CFAP221: variants seen among roughly 807,000 people sequenced by gnomAD.
CFAP221 encodes the protein cilia and flagella associated protein 221.
In CFAP221, 97 loss-of-function variants were observed where a neutral mutation model predicts 113.1. The ratio of observed to expected loss-of-function variants is 0.86; its 90% CI spans 0.73 to 1.02. CFAP221 has a LOEUF of 1.02. CFAP221 is among the 50% of genes least tolerant of loss of function. The pLI is 0.00. For missense variants in CFAP221, 1,025 were observed against 1,013.4 expected (o/e 1.01, Z -0.16); for synonymous variants, 331 against 354.4 (o/e 0.93, Z 0.74).
At chr2:119,615,846 A>C in intron 14 of CFAP221, 137 bp downstream of exon 14, 2 of 606,006 alleles carry the variant, frequency 3.3e-6, no homozygotes, top group Non-Finnish European at 5.6e-6. Flanking sequence ...AATGTACATC[A>C]GTCATTTTTA....
chr2:119,584,939 T>G (rs2104610009), intron 6 of CFAP221, among the ~76,000 whole-genome samples: 1 of 152,294 alleles, frequency 6.6e-6, no homozygotes, highest in African/African-American at 2.4e-5. Context: ...CCATTTGGGG[T>G]TATTCCTAAA....
chr2:119,595,793 T>C (rs1683924217), intron 7 of CFAP221, among the ~76,000 whole-genome samples: 1 of 152,062 alleles, frequency 6.6e-6, no homozygotes, highest in African/African-American at 2.4e-5. Context: ...GTGACTGCTC[T>C]CAACTTGGTG....
chr2:119,618,937 G>A (rs1371503541), intron 14 of CFAP221, among the ~76,000 whole-genome samples: 2 of 152,124 alleles, frequency 1.3e-5, no homozygotes, highest in East Asian at 1.9e-4. Context: ...TTGAGTAGGC[G>A]ATTTTCCCCT....
intron 6 of CFAP221, among the ~76,000 whole-genome samples, chr2:119,566,458 C>T (rs552613226): frequency 2.0e-5 from 3 of 152,306 alleles, no homozygotes; most frequent in South Asian, 2.1e-4. Context: ...CATTTTTGTT[C>T]GTGTCACAGC....
chr2:119,612,071 A>T (rs1169392677), intron 13 of CFAP221, among the ~76,000 whole-genome samples: 1 of 152,084 alleles, frequency 6.6e-6, no homozygotes, highest in East Asian at 1.9e-4. Flanking sequence ...GCCTCTATTC[A>T]TTATCCTCCT....
chr2:119,575,565 A>C (rs1488666071), intron 6 of CFAP221, among the ~76,000 whole-genome samples: 1 of 152,160 alleles, frequency 6.6e-6, no homozygotes, highest in Non-Finnish European at 1.5e-5. Context: ...ACAAAATAAA[A>C]TGGTGGTTGC....
chr2:119,642,434 G>A (rs941523116), intron 21 of CFAP221, among the ~76,000 whole-genome samples: 2 of 151,354 alleles, frequency 1.3e-5, no homozygotes, highest in Non-Finnish European at 2.9e-5. Flanking sequence ...CAAGGTGCCA[G>A]TAGACTTGGT....
intron 6 of CFAP221, among the ~76,000 whole-genome samples, chr2:119,566,968 A>T (rs934058365): frequency 2.0e-5 from 3 of 152,186 alleles, no homozygotes; most frequent in Admixed American, 2.0e-4. Context: ...AGATTTTTGA[A>T]GACTTTATAT....
At chr2:119,564,599 T>C (rs1681492558) in intron 6 of CFAP221, among the ~76,000 whole-genome samples, 1 of 152,100 alleles carries the variant, frequency 6.6e-6, no homozygotes, top group Non-Finnish European at 1.5e-5. Flanking sequence ...GCTTTGCCAG[T>C]TTTTGATCTT....
intron 12 of CFAP221, among the ~76,000 whole-genome samples, chr2:119,610,034 C>G (rs543509652): frequency 2.6e-5 from 4 of 152,118 alleles, no homozygotes; most frequent in Non-Finnish European, 5.9e-5. Flanking sequence ...TGCATGCTTT[C>G]TTAAAAACAA....
chr2:119,608,183 C>T (rs570050989), intron 11 of CFAP221, among the ~76,000 whole-genome samples: 2 of 152,206 alleles, frequency 1.3e-5, no homozygotes, highest in Admixed American at 6.5e-5. Flanking sequence ...CCATTATTAT[C>T]ATCATCATCA....
At chr2:119,562,253 CAAA>C (rs10628972) in intron 6 of CFAP221, 139 bp downstream of exon 6, 135 of 274,276 alleles carry the variant, frequency 4.9e-4, no homozygotes, top group South Asian at 1.0e-3. Flanking sequence ...TTGTAAAAGG[CAAA>C]AAAAAAAAAA....
intron 6 of CFAP221, among the ~76,000 whole-genome samples, chr2:119,564,949 T>G (rs1681516748): frequency 6.6e-6 from 1 of 152,206 alleles, no homozygotes; most frequent in Admixed American, 6.5e-5. Flanking sequence ...TGGGTTACTA[T>G]GTAATGGCTG....
intron 7 of CFAP221, among the ~76,000 whole-genome samples, chr2:119,597,733 T>TG (rs1365248058): frequency 2.6e-5 from 4 of 152,200 alleles, no homozygotes; most frequent in Non-Finnish European, 5.9e-5. Context: ...TAGAATTTTC[T>TG]GGGGTTTAAA....
At position 119,641,184 on chromosome 2, in the gene CFAP221, G is replaced by A. The variant is rs1045549561; in HGVS notation, c.2225+1312G>A. Among the ~76,000 whole-genome samples the A allele has an allele frequency of 7.2e-5, 11 of 152,116 alleles. No homozygotes were observed. In the East Asian group the frequency reaches 9.6e-4, roughly 13 times the overall value. On this transcript the variant is annotated intron_variant, in intron 21 of 23. Coordinates refer to ENST00000413369, the MANE Select transcript of CFAP221 (RefSeq NM_001271049.2). ...CCAAATGCAGCTGTACGTCATCTACGTCAAGGCTTTCCCATGTGCCGTCCC... is the reference window on the plus strand; with the variant it reads ...CCAAATGCAGCTGTACGTCATCTACATCAAGGCTTTCCCATGTGCCGTCCC...
chr2:119,620,155 G>T lies in CFAP221; in HGVS notation c.1410+4446G>T, dbSNP rs544926411. ...GTGATGGGGAGAATGGAACCAAGTT[G>T]GAAAACACTCTTCAGGATATTATCC... is the stretch of plus-strand genomic sequence containing the variant. On this transcript the variant is annotated intron_variant, in intron 14 of 23. Transcript: ENST00000413369. 6.6e-5 allele frequency among the ~76,000 whole-genome samples: 10 copies of T among 152,118 alleles called. 1 individual carries two copies. The highest frequency in any genetic ancestry group is 4.2e-4 in the South Asian group (2 of 4,810).
chr2:119,604,547 CATTT>C (rs1684590977), intron 8 of CFAP221, 121 bp from the exon 9 acceptor site: 2 of 846,342 alleles, frequency 2.4e-6, no homozygotes, highest in Non-Finnish European at 3.3e-6. Context: ...TTGGGGCACA[CATTT>C]ATTTTCAGTT....
chr2:119,603,585 G>A (rs1684510356), intron 8 of CFAP221, among the ~76,000 whole-genome samples: 6 of 152,222 alleles, frequency 3.9e-5, no homozygotes, highest in East Asian at 1.9e-4. Flanking sequence ...GTGAGTGAAT[G>A]TTCACCTATT....
intron 6 of CFAP221, 54 bp from the exon 7 acceptor site, chr2:119,587,065 A>T (rs1001986767): frequency 2.9e-5 from 38 of 1,316,434 alleles, no homozygotes; most frequent in Middle Eastern, 2.2e-4. Flanking sequence ...CTACCAAAAG[A>T]ACCAGTTATA....
Sources: gnomAD v4.1 joint callset for allele counts (sites outside exome capture counted in the v4.1 genomes callset) on GRCh38, gnomAD v4.1.1 for gene constraint, MANE v1.5 for transcripts, NCBI Gene and HGNC (gene_info 2026-07-23, HGNC 2026-07-21) for gene names.